Variants in PRR33 observed in about 807,000 individuals in gnomAD.
The protein encoded by PRR33 is proline rich 33.
A neutral mutation model predicts 0.5 loss-of-function variants in PRR33; 1 was observed. The observed-to-expected ratio is 2.18, with a 90% confidence interval of 0.77 to 10.34. The LOEUF is 10.34. PRR33 is among the 30% of genes most tolerant of loss of function. The probability of loss-of-function intolerance (pLI) is 0.13; values close to 1 mark genes in which losing one functional copy is unlikely to be tolerated. For synonymous variants in PRR33, 226 were observed against 110.0 expected, an observed-to-expected ratio of 2.06 and a Z score of -6.60; for missense variants, 552 against 251.8, an observed-to-expected ratio of 2.19 and a Z score of -8.07.
the PRR33 span, among the ~76,000 whole-genome samples, chr11:1,905,095 T>C: frequency 4.6e-5 from 7 of 151,284 alleles, no homozygotes; most frequent in Non-Finnish European, 8.8e-5. Flanking sequence ...TTCCTTAAGC[T>C]GAGAGCAAGG....
chr11:1,893,958 G>A (rs1164963032), upstream of PRR33, among the ~76,000 whole-genome samples: 4 of 150,218 alleles, frequency 2.7e-5, no homozygotes, highest in Admixed American at 1.3e-4. Context: ...GATGGGTGAA[G>A]GGATAGATGA....
At chr11:1,913,789 G>A in the PRR33 span, among the ~76,000 whole-genome samples, 6 of 152,222 alleles carry the variant, frequency 3.9e-5, no homozygotes, top group Admixed American at 6.5e-5. Flanking sequence ...AAGCCAAGTC[G>A]TTTCGTTCCA....
chr11:1,896,434 A>G (rs554705944), upstream of PRR33, among the ~76,000 whole-genome samples: 192 of 152,342 alleles, frequency 1.3e-3, no homozygotes, highest in African/African-American at 4.4e-3. Context: ...TTTAATGTCA[A>G]TATCTGATAG....
upstream of PRR33, chr11:1,892,248 T>C: frequency 6.6e-6 from 1 of 152,266 alleles, no homozygotes; most frequent in Non-Finnish European, 1.5e-5. Flanking sequence ...ATAATAAAGC[T>C]CCCTGTGTAT....
At chr11:1,899,517 G>A in the PRR33 span, among the ~76,000 whole-genome samples, 5 of 152,270 alleles carry the variant, frequency 3.3e-5, no homozygotes, top group Admixed American at 1.3e-4. Context: ...TAGCCATATC[G>A]GAGTTGAGGA....
chr11:1,890,389 G>A (rs1371214619), exon 1 of PRR33: 1 of 716,952 alleles, frequency 1.4e-6, no homozygotes, highest in Non-Finnish European at 2.6e-6. Context: ...ACGGGGGACA[G>A]GGAGGTGCGG....
chr11:1,912,317 G>A, the PRR33 span, among the ~76,000 whole-genome samples: 7 of 151,840 alleles, frequency 4.6e-5, no homozygotes, highest in Non-Finnish European at 8.8e-5. Flanking sequence ...CCCCTGATTC[G>A]GAATGCAAGG....
the PRR33 span, among the ~76,000 whole-genome samples, chr11:1,908,999 A>G: frequency 1.3e-5 from 2 of 152,342 alleles, no homozygotes; most frequent in African/African-American, 4.8e-5. Context: ...CCTTCCCCCT[A>G]TAGTTAACAA....
At chr11:1,899,737 A>G in the PRR33 span, among the ~76,000 whole-genome samples, 1 of 152,186 alleles carries the variant, frequency 6.6e-6, no homozygotes, top group African/African-American at 2.4e-5. Context: ...AAACAAGTAC[A>G]TCTATCATGG....
At chr11:1,890,586 A>T (rs1276106744) in exon 1 of PRR33, 1 of 705,804 alleles carries the variant, frequency 1.4e-6, no homozygotes, top group Admixed American at 2.0e-5. Context: ...TATGAGCATG[A>T]CTGTGTCCTA....
At chr11:1,889,502 C>T (rs1246461702) in exon 1 of PRR33, 2 of 617,898 alleles carry the variant, frequency 3.2e-6, no homozygotes, top group African/African-American at 3.7e-5. Flanking sequence ...CCAGGCTCTG[C>T]CGCGGCTCTG....
chr11:1,915,669 TG>T, the PRR33 span, among the ~76,000 whole-genome samples: 8 of 358 alleles, frequency 0.022, no homozygotes, highest in African/African-American at 0.031. Context: ...GTGTGTGTTT[TG>T]GGGGGGTGAT....
At chr11:1,903,910 C>T in the PRR33 span, among the ~76,000 whole-genome samples, 14 of 152,270 alleles carry the variant, frequency 9.2e-5, no homozygotes, top group African/African-American at 2.4e-4. Context: ...AGCCAGTTTC[C>T]GCCTGACCCA....
the PRR33 span, among the ~76,000 whole-genome samples, chr11:1,910,291 C>G: frequency 6.6e-6 from 1 of 152,152 alleles, no homozygotes; most frequent in East Asian, 1.9e-4. Flanking sequence ...GCTCTGTTGC[C>G]CAGACTGGAG....
chr11:1,915,032 C>G, the PRR33 span, among the ~76,000 whole-genome samples: 2 of 144,854 alleles, frequency 1.4e-5, no homozygotes, highest in Non-Finnish European at 3.0e-5. Context: ...TGGGGACACA[C>G]GGATGATGTT....
chr11:1,912,513 C>T, the PRR33 span, among the ~76,000 whole-genome samples: 4 of 152,134 alleles, frequency 2.6e-5, no homozygotes, highest in Admixed American at 6.5e-5. Context: ...CTCTTTTCGT[C>T]GACATTGCTT....
At chr11:1,898,935 A>G in the PRR33 span, among the ~76,000 whole-genome samples, 1 of 152,108 alleles carries the variant, frequency 6.6e-6, no homozygotes, top group African/African-American at 2.4e-5. Context: ...TGGGAGGCAA[A>G]GGTTGCTGTG....
At chr11:1,915,685 C>G in the PRR33 span, among the ~76,000 whole-genome samples, 16 of 776 alleles carry the variant, frequency 0.021, no homozygotes, top group Non-Finnish European at 0.042. Flanking sequence ...GGTGATGTTT[C>G]TGTGTGTGTG....
chr11:1,909,786 AAAG>A, the PRR33 span, among the ~76,000 whole-genome samples: 3,445 of 151,918 alleles, frequency 0.023, 88 homozygotes, highest in East Asian at 0.11. Flanking sequence ...TCTGAGAAAA[AAAG>A]AAGAAGAAGA....
Sources: gnomAD v4.1 joint callset for allele counts (sites outside exome capture counted in the v4.1 genomes callset) on GRCh38, gnomAD v4.1.1 for gene constraint, MANE v1.5 for transcripts, NCBI Gene and HGNC (gene_info 2026-07-23, HGNC 2026-07-21) for gene names.